NUP98: variants seen among roughly 807,000 people sequenced by gnomAD.
NUP98 encodes the protein nuclear pore complex protein Nup98-Nup96.
A neutral mutation model predicts 191.9 loss-of-function variants in NUP98; 26 were observed. The ratio of observed to expected loss-of-function variants is 0.14; its 90% CI spans 0.10 to 0.19. The LOEUF (loss-of-function observed/expected upper bound fraction) is 0.19. Among genes scored for constraint, NUP98 ranks in the 10% least tolerant of loss-of-function variants. The pLI, the probability that NUP98 is intolerant of heterozygous loss-of-function variation, is 1.00. For missense variants in NUP98, 1,941 were observed against 2,178.8 expected (o/e 0.89, Z 2.17); for synonymous variants, 808 against 778.4 (o/e 1.04, Z -0.63).
intron 12 of NUP98, among the ~76,000 whole-genome samples, chr11:3,738,087 C>CAAAAAAA (rs61502115): frequency 2.4e-3 from 167 of 69,722 alleles, no homozygotes; most frequent in Middle Eastern, 9.4e-3. Context: ...TGGGCGTTCT[C>CAAAAAAA]AAAAAAAAAA....
At chr11:3,741,861 A>T (rs2080297458) in intron 12 of NUP98, among the ~76,000 whole-genome samples, 1 of 152,238 alleles carries the variant, frequency 6.6e-6, no homozygotes, top group African/African-American at 2.4e-5. Context: ...CGATGTTCTG[A>T]GAATAAATTA....
chr11:3,717,238 T>A (rs925898532), intron 18 of NUP98, among the ~76,000 whole-genome samples: 3 of 152,200 alleles, frequency 2.0e-5, no homozygotes, highest in African/African-American at 7.2e-5. Flanking sequence ...CCTCAAGTGA[T>A]CTGCCCGCCT....
At chr11:3,726,908 T>C (rs939644195) in intron 14 of NUP98, among the ~76,000 whole-genome samples, 5 of 152,016 alleles carry the variant, frequency 3.3e-5, no homozygotes, top group Non-Finnish European at 7.4e-5. Context: ...ACTATCGGCA[T>C]GTGCCATCAT....
intron 25 of NUP98, 187 bp downstream of exon 25, chr11:3,698,895 C>T (rs1302115349): frequency 4.5e-6 from 3 of 659,676 alleles, no homozygotes; most frequent in Non-Finnish European, 5.1e-6. Context: ...ACATTGTTTA[C>T]TTGATTAAAA....
At chr11:3,696,373 G>T (rs1011476334) in intron 25 of NUP98, among the ~76,000 whole-genome samples, 1 of 151,908 alleles carries the variant, frequency 6.6e-6, no homozygotes, top group African/African-American at 2.4e-5. Context: ...GTGGTGGCAC[G>T]TGACTGGAGT....
At chr11:3,785,008 G>A (rs2082095452) in intron 1 of NUP98, among the ~76,000 whole-genome samples, 1 of 151,906 alleles carries the variant, frequency 6.6e-6, no homozygotes, top group African/African-American at 2.4e-5. Flanking sequence ...TGTGGTGGCA[G>A]GCGCCTGCCG....
Position 3,695,559 on chromosome 11 carries a change from A to C in NUP98, c.4057T>G (p.Ser1353Ala), listed in dbSNP as rs748605555. The change falls in exon 26 of 33, where the codon TCA becomes GCA. Residue 1353 changes from serine to alanine, a missense_variant. Ser to Ala is a moderately conservative substitution (Grantham distance 99, BLOSUM62 1). Coordinates refer to ENST00000324932, the MANE Select transcript of NUP98 (RefSeq NM_016320.5). ...LLLSQFVGSQSVRELLTMQLV... is the reference protein window; with the variant it reads ...LLLSQFVGSQAVRELLTMQLV... ...TGCATGGTGAGCAGCTCCCGGACTG[A>C]CTGGCTACCCACAAACTGAGATAAA... 2 of 1,604,772 alleles carry C rather than the reference A, an allele frequency of 1.2e-6. No individual in the cohort carries two copies. Among genetic ancestry groups the C allele is most frequent in the Non-Finnish European group, 1.7e-6 (2 of 1,175,794 alleles).
At chr11:3,679,144 A>AG (rs397935524) in intron 31 of NUP98, among the ~76,000 whole-genome samples, 26 of 148,054 alleles carry the variant, frequency 1.8e-4, no homozygotes, top group Non-Finnish European at 3.6e-4. Context: ...AAAAAAAAAA[A>AG]CTGACCGAAG....
intron 1 of NUP98, among the ~76,000 whole-genome samples, chr11:3,783,348 A>G (rs1375258280): frequency 6.6e-6 from 1 of 152,098 alleles, no homozygotes; most frequent in Non-Finnish European, 1.5e-5. Context: ...TTATCATGCC[A>G]CTTCCCTCCA....
Position 3,789,524 on chromosome 11 carries a change from T to C in NUP98, c.-28-7379A>G, listed in dbSNP as rs966887949. On this transcript the variant is annotated intron_variant, in intron 1 of 32. Coordinates refer to ENST00000324932, the MANE Select transcript of NUP98 (RefSeq NM_016320.5). ...TTCTTTTTTTTTTTTTTTTTTTTGGTTTTTGTTTTGAGACAAGGTCTCACT... is the reference window on the plus strand; with the variant it reads ...TTCTTTTTTTTTTTTTTTTTTTTGGCTTTTGTTTTGAGACAAGGTCTCACT... Among the ~76,000 whole-genome samples, 10 of 146,528 alleles carry C rather than the reference T, an allele frequency of 6.8e-5. No homozygotes were observed. In the Admixed American group the frequency reaches 6.8e-4, roughly 10 times the overall value.
chr11:3,705,193 A>G lies in NUP98; in HGVS notation c.3082+7T>C. 3.7e-6 allele frequency: 6 copies of G among 1,613,902 alleles called. No homozygotes were observed. The highest frequency in any genetic ancestry group is 4.2e-6 in the Non-Finnish European group (5 of 1,179,750). On this transcript the variant is annotated splice_region_variant and intron_variant, in intron 22 of 32. Coordinates refer to ENST00000324932, the MANE Select transcript of NUP98 (RefSeq NM_016320.5). ...TTTCTTGTAAAATAGCATCTTTTAT[A>G]CTGTACCTAGTGAACGAGTTTTCGA...
intron 1 of NUP98, among the ~76,000 whole-genome samples, chr11:3,791,194 C>T (rs980976022): frequency 6.6e-6 from 1 of 152,006 alleles, no homozygotes; most frequent in Non-Finnish European, 1.5e-5. Flanking sequence ...TGCGCCCCGC[C>T]CACCATTTTA....
Position 3,702,844 on chromosome 11 carries a change from G to C in NUP98, c.3131C>G (p.Pro1044Arg), listed in dbSNP as rs1284622136. The C allele has an allele frequency of 6.2e-7, 1 of 1,613,516 alleles. No homozygotes were observed. The highest frequency in any genetic ancestry group is 8.5e-7 in the Non-Finnish European group (1 of 1,179,702). Reference sequence around the variant, plus strand: ...ACGACATTCTTGCACAGAGACACTTGGTGAAAGAAAAGCTCCACTTGTAAA... The same window carrying C: ...ACGACATTCTTGCACAGAGACACTTCGTGAAAGAAAAGCTCCACTTGTAAA... ...SKFTSGAFLS[P>R]SVSVQECRTP... Residue 1044 changes from proline to arginine, a missense_variant, in exon 23 of 33, where the codon CCA (proline) becomes CGA (arginine). By Grantham distance (103) the Pro-to-Arg change is moderately radical. Coordinates refer to ENST00000324932, the MANE Select transcript of NUP98 (RefSeq NM_016320.5).
intron 18 of NUP98, among the ~76,000 whole-genome samples, chr11:3,716,868 TGA>T (rs1373242328): frequency 1.3e-5 from 2 of 152,070 alleles, no homozygotes; most frequent in Non-Finnish European, 2.9e-5. Context: ...TGTTCTTTTT[TGA>T]GAGTGTTTGG....
chr11:3,756,186 G>A (rs556620873), intron 10 of NUP98, among the ~76,000 whole-genome samples: 4 of 152,042 alleles, frequency 2.6e-5, no homozygotes, highest in Non-Finnish European at 5.9e-5. Context: ...AATCAAAAGG[G>A]ATCTTACAGT....
chr11:3,752,199 A>G (rs1027794115), intron 11 of NUP98, among the ~76,000 whole-genome samples: 1 of 151,558 alleles, frequency 6.6e-6, no homozygotes, highest in Non-Finnish European at 1.5e-5. Flanking sequence ...AAAGCAGATC[A>G]TAGTACAAAA....
chr11:3,684,571 C>G (rs2078079960), intron 29 of NUP98, among the ~76,000 whole-genome samples: 1 of 152,052 alleles, frequency 6.6e-6, no homozygotes, highest in Non-Finnish European at 1.5e-5. Context: ...TCCTTTATGA[C>G]TGTGTTTAAA....
chr11:3,768,845 TTA>T (rs1299591386), intron 7 of NUP98, 101 bp from the exon 8 acceptor site: 2 of 843,352 alleles, frequency 2.4e-6, no homozygotes, highest in Non-Finnish European at 1.7e-6. Flanking sequence ...GTAATAGTCT[TTA>T]TGTTATCTAC....
Position 3,691,391 on chromosome 11 carries a change from T to C in NUP98, c.4410A>G (p.Pro1470=). The change falls in exon 28 of 33, where the codon CCA becomes CCG. Residue 1470 remains proline (P), a synonymous_variant. Coordinates refer to ENST00000324932, the MANE Select transcript of NUP98 (RefSeq NM_016320.5). ...VIAEEQNSQT[P]LRDVCFHLLK... is the part of the protein sequence containing the mutation. ...GAAGGTGAAAGCAGACATCTCGAAG[T>C]GGTGTCTGTGAGTTTTGCTCCTCCG... 6.2e-7 allele frequency: 1 copy of C among 1,614,198 alleles called. No homozygotes were observed. Among genetic ancestry groups the C allele is most frequent in the Non-Finnish European group, 8.5e-7 (1 of 1,180,028 alleles).
Sources: gnomAD v4.1 joint callset for allele counts (sites outside exome capture counted in the v4.1 genomes callset) on GRCh38, gnomAD v4.1.1 for gene constraint, MANE v1.5 for transcripts, NCBI Gene and HGNC (gene_info 2026-07-23, HGNC 2026-07-21) for gene names.